Variants in SSH1 observed in about 807,000 individuals in gnomAD.
SSH1 encodes the protein protein phosphatase Slingshot homolog 1.
In SSH1, 43 loss-of-function variants were observed where a neutral mutation model predicts 79.7. The observed-to-expected ratio is 0.54, with a 90% CI of 0.42 to 0.70. SSH1 has a LOEUF of 0.70. SSH1 is among the 30% of genes least tolerant of loss of function. The pLI, the probability that SSH1 is intolerant of heterozygous loss-of-function variation, is 0.00. For missense variants in SSH1, 1,206 were observed against 1,358.8 expected (o/e 0.89, Z 1.77); for synonymous variants, 599 against 538.3 (o/e 1.11, Z -1.56).
rs1446546323 is a variant in SSH1, at chr12:108,809,666, G to A, written c.536+27C>T. Reference sequence around the variant, plus strand: ...TCGGCTAAGAAAATATTTCTAGGGAGTTAAAAGTCCCTAAAACCACACTTA... The same window carrying A: ...TCGGCTAAGAAAATATTTCTAGGGAATTAAAAGTCCCTAAAACCACACTTA... On this transcript the variant is annotated intron_variant, in intron 7 of 14. Transcript: ENST00000326495. 2.5e-6 allele frequency: 4 copies of A among 1,593,226 alleles called. No individual in the cohort carries two copies. The Admixed American group carries it at 6.7e-5, about 27-fold the overall frequency.
intron 2 of SSH1, among the ~76,000 whole-genome samples, chr12:108,847,010 C>T (rs1425145929): frequency 1.3e-5 from 2 of 152,154 alleles, no homozygotes; most frequent in Non-Finnish European, 2.9e-5. Flanking sequence ...GATTCTCCTA[C>T]CTCAACCTCT....
intron 13 of SSH1, among the ~76,000 whole-genome samples, chr12:108,793,078 A>G (rs1046332512): frequency 1.3e-5 from 2 of 152,214 alleles, no homozygotes; most frequent in African/African-American, 4.8e-5. Flanking sequence ...CTCTGATGAC[A>G]ACGGGGAAGG....
In SSH1 at chr12:108,807,821, G is replaced by T. The variant is rs766461653; in HGVS notation, c.543C>A (p.Ala181=). 1.2e-6 allele frequency: 2 copies of T among 1,613,696 alleles called. No individual in the cohort carries two copies. The highest frequency in any genetic ancestry group is 1.7e-6 in the Non-Finnish European group (2 of 1,180,000). The change falls in exon 8 of 15, where the codon GCC becomes GCA. Residue 181 remains alanine (A), a synonymous_variant. Transcript: ENST00000326495. The surrounding 1 kb of genome is among the most constrained non-coding windows in gnomAD (Gnocchi z 5.2). ...KPVSVQAMWS[A]LQVLHKACEV... is the part of the protein sequence containing the mutation. ...CGCAGGCCTTGTGAAGCACCTGCAG[G>T]GCAGACCTGGGGCGAGGAGAAGACA...
At chr12:108,827,266 T>C (rs1400350976) in intron 2 of SSH1, 42 of 1,549,078 alleles carry the variant, frequency 2.7e-5, no homozygotes, top group Non-Finnish European at 3.5e-5. Flanking sequence ...TACGTACTAA[T>C]TTGAGCTGGA....
At chr12:108,852,523 C>A (rs949564698) in intron 2 of SSH1, 115 bp downstream of exon 2, 4 of 1,361,590 alleles carry the variant, frequency 2.9e-6, no homozygotes, top group Admixed American at 1.7e-5. Flanking sequence ...ACCCACCGCA[C>A]CCAGCCCAAA....
chr12:108,827,522 T>C, intron 2 of SSH1: 1 of 1,285,586 alleles, frequency 7.8e-7, no homozygotes, highest in Non-Finnish European at 9.8e-7. Context: ...TGTGGAACTC[T>C]TGTCTTCCTC....
At chr12:108,855,826 C>T (rs1035832507) in intron 1 of SSH1, among the ~76,000 whole-genome samples, 1 of 152,094 alleles carries the variant, frequency 6.6e-6, no homozygotes, top group East Asian at 1.9e-4. Context: ...TTACTAGAAC[C>T]TTCTGTGTAT....
intron 1 of SSH1, among the ~76,000 whole-genome samples, chr12:108,854,049 G>C (rs1414385808): frequency 1.3e-5 from 2 of 152,172 alleles, no homozygotes; most frequent in Admixed American, 6.5e-5. Context: ...AGCAGGGAAG[G>C]CTTCAATGAC....
At chr12:108,817,255 T>G (rs12316621) in intron 4 of SSH1, 96 bp from the exon 5 acceptor site, 1 of 1,553,902 alleles carries the variant, frequency 6.4e-7, no homozygotes, top group Non-Finnish European at 8.7e-7. Context: ...GTGTTCTACC[T>G]TTCCCTCTGG....
chr12:108,843,014 C>A (rs1054702554), intron 2 of SSH1, among the ~76,000 whole-genome samples: 3 of 152,164 alleles, frequency 2.0e-5, no homozygotes, highest in Non-Finnish European at 4.4e-5. Context: ...TGGGCACTTA[C>A]CAACACACGA....
chr12:108,820,668 T>A (rs574704340), intron 3 of SSH1, among the ~76,000 whole-genome samples: 1 of 152,212 alleles, frequency 6.6e-6, no homozygotes, highest in Non-Finnish European at 1.5e-5. Context: ...TTGACTGGAC[T>A]GGCTGAAACA....
chr12:108,798,953 CT>C, intron 13 of SSH1, 46 bp downstream of exon 13: 1 of 1,600,482 alleles, frequency 6.2e-7, no homozygotes, highest in Non-Finnish European at 8.5e-7. Flanking sequence ...GGCCACATGG[CT>C]GCTCCAGCTC....
Position 108,833,153 on chromosome 12 carries a change from CT to C in SSH1, c.111-9793del, listed in dbSNP as rs763525533. Among the ~76,000 whole-genome samples the C allele has an allele frequency of 5.3e-3, 760 of 143,278 alleles. 6 individuals are homozygous for C. Among genetic ancestry groups the C allele is most frequent in the South Asian group, 0.013 (56 of 4,478 alleles). The allele number at this position is 143,278 out of a possible 152,430, so 94.0% of individuals were successfully genotyped here. ...TGACCAGCGAGCTCGCAAAAGCAAG[CT>C]TTTTTTTTTTTTTCTCCCTAAATAA... On this transcript the variant is annotated intron_variant, in intron 2 of 14. Coordinates refer to ENST00000326495, the MANE Select transcript of SSH1 (RefSeq NM_018984.4).
intron 3 of SSH1, among the ~76,000 whole-genome samples, chr12:108,819,112 G>A (rs1406802662): frequency 1.3e-5 from 2 of 152,286 alleles, no homozygotes; most frequent in East Asian, 1.9e-4. Flanking sequence ...TAACCGGGGG[G>A]GCGGGGGGAA....
At chr12:108,821,769 G>A (rs1566001649) in intron 3 of SSH1, among the ~76,000 whole-genome samples, 1 of 152,190 alleles carries the variant, frequency 6.6e-6, no homozygotes. Context: ...ATCAACATCA[G>A]TATGTGAAAA....
At chr12:108,819,492 A>T (rs1483171268) in intron 3 of SSH1, among the ~76,000 whole-genome samples, 1 of 152,132 alleles carries the variant, frequency 6.6e-6, no homozygotes. Flanking sequence ...ATTTTTCTTT[A>T]TATCTGCAAG....
chr12:108,832,697 C>A (rs773506928), intron 2 of SSH1, among the ~76,000 whole-genome samples: 2 of 152,166 alleles, frequency 1.3e-5, no homozygotes, highest in Non-Finnish European at 2.9e-5. Flanking sequence ...ATTTGGAACT[C>A]GTGTTTAAAA....
At position 108,857,559 on chromosome 12, in the gene SSH1, G is replaced by A. The variant is rs1233452968; in HGVS notation, c.-63C>T. 9.2e-6 allele frequency: 9 copies of A among 974,020 alleles called. No homozygotes were observed. The highest frequency in any genetic ancestry group is 7.3e-5 in the South Asian group (2 of 27,514). The allele number at this position is 974,020 out of a possible 1,614,324, so 60.3% of individuals were successfully genotyped here. A position where few individuals can be genotyped will look rare whatever the true frequency, so the allele number is the denominator to read the frequency against. On this transcript the variant is annotated 5_prime_UTR_variant, in exon 1 of 15. Transcript: ENST00000326495. This position sits in a 1 kb window ranked among gnomAD's most constrained non-coding sequence, Gnocchi z 4.7. ...AGCTAGAGCCGCCACCGCCACCGCC[G>A]CCCGGGCCGGGCCCGGGGCCTCCTG...
chr12:108,827,318 T>C, intron 2 of SSH1: 1 of 1,551,116 alleles, frequency 6.4e-7, no homozygotes, highest in Non-Finnish European at 8.7e-7. Context: ...TGAAGGAAGA[T>C]GCAGAAGTCG....
Sources: allele counts gnomAD v4.1 joint callset (sites outside exome capture counted in the v4.1 genomes callset), GRCh38; gene constraint gnomAD v4.1.1; non-coding constraint Gnocchi (gnomAD v3.1); transcripts MANE v1.5; gene names NCBI Gene and HGNC (gene_info 2026-07-23, HGNC 2026-07-21).